SORCS3: variants seen among roughly 807,000 people sequenced by gnomAD.
The protein encoded by SORCS3 is sortilin related VPS10 domain containing receptor 3.
Under a neutral mutation model 146.3 loss-of-function variants are expected in SORCS3, and 57 were observed. That is an observed-to-expected ratio of 0.39 (90% CI 0.31 to 0.49). SORCS3 has a LOEUF of 0.49. Ranked by LOEUF, SORCS3 falls within the 20% of genes least tolerant of loss-of-function variation. SORCS3 has a pLI of 0.92. For missense variants in SORCS3, 1,341 were observed against 1,575.5 expected (o/e 0.85, Z 2.52); for synonymous variants, 653 against 618.5 (o/e 1.06, Z -0.83).
At chr10:104,726,756 T>G (rs540976556) in intron 1 of SORCS3, among the ~76,000 whole-genome samples, 1 of 152,226 alleles carries the variant, frequency 6.6e-6, no homozygotes, top group African/African-American at 2.4e-5. Flanking sequence ...GGTAAAAAAC[T>G]GCCCTATTCC....
intron 8 of SORCS3, among the ~76,000 whole-genome samples, chr10:105,142,468 G>T (rs2119454153): frequency 6.6e-6 from 1 of 152,256 alleles, no homozygotes; most frequent in South Asian, 2.1e-4. Context: ...TGGACAAAAT[G>T]CCTGCTAATT....
At chr10:105,112,884 T>G (rs373639834) in intron 7 of SORCS3, among the ~76,000 whole-genome samples, 1 of 152,178 alleles carries the variant, frequency 6.6e-6, no homozygotes, top group East Asian at 1.9e-4. Flanking sequence ...TACTTAAATT[T>G]CGAACTTTTA....
intron 7 of SORCS3, among the ~76,000 whole-genome samples, chr10:105,116,431 T>A (rs2055893901): frequency 1.3e-5 from 2 of 152,218 alleles, no homozygotes; most frequent in Admixed American, 1.3e-4. Context: ...GGATCAGTGC[T>A]GGTGGGAATG....
chr10:104,955,465 T>C (rs2019479283), intron 3 of SORCS3, among the ~76,000 whole-genome samples: 1 of 152,272 alleles, frequency 6.6e-6, no homozygotes, highest in South Asian at 2.1e-4. Context: ...ATTTTGTGAA[T>C]AGAGCTGCTA....
chr10:104,961,352 C>T (rs775315399), intron 3 of SORCS3, among the ~76,000 whole-genome samples: 13 of 152,236 alleles, frequency 8.5e-5, no homozygotes, highest in Middle Eastern at 3.4e-3. Flanking sequence ...TCCATCTGAT[C>T]GTAGAAATCC....
chr10:105,083,521 A>G (rs1381228803), intron 5 of SORCS3, among the ~76,000 whole-genome samples: 2 of 151,926 alleles, frequency 1.3e-5, no homozygotes, highest in Non-Finnish European at 2.9e-5. Flanking sequence ...CCTCCCTAAT[A>G]CCTGTGGCAA....
intron 18 of SORCS3, among the ~76,000 whole-genome samples, chr10:105,215,906 ATTC>A (rs1207646217): frequency 7.7e-6 from 1 of 129,808 alleles, no homozygotes; most frequent in Non-Finnish European, 1.5e-5. Flanking sequence ...GAGCAATGCT[ATTC>A]TTCATATAGG....
chr10:104,690,830 G>A (rs2864027), intron 1 of SORCS3, among the ~76,000 whole-genome samples: 1 of 48,626 alleles, frequency 2.1e-5, no homozygotes. Context: ...GACCCTGATA[G>A]CAATAACTCA....
intron 16 of SORCS3, 123 bp downstream of exon 16, chr10:105,201,376 G>A: frequency 8.4e-7 from 1 of 1,185,142 alleles, no homozygotes; most frequent in Middle Eastern, 2.8e-4. Flanking sequence ...GTATCTGCTG[G>A]CCTGTGGGCC....
intron 1 of SORCS3, among the ~76,000 whole-genome samples, chr10:104,816,961 G>A (rs1283688020): frequency 2.0e-5 from 3 of 152,162 alleles, no homozygotes; most frequent in East Asian, 1.9e-4. Flanking sequence ...TTCAGCCCGG[G>A]CACCCAAGAA....
intron 4 of SORCS3, among the ~76,000 whole-genome samples, chr10:105,033,268 C>A (rs1279338691): frequency 6.6e-6 from 1 of 152,140 alleles, no homozygotes; most frequent in Non-Finnish European, 1.5e-5. Context: ...ATTTGTTTTT[C>A]TTTCAACAGC....
chr10:104,945,566 C>CTTTTTTTTT (rs10707282), intron 3 of SORCS3, among the ~76,000 whole-genome samples: 1 of 135,100 alleles, frequency 7.4e-6, no homozygotes. Context: ...GCCTAATGTT[C>CTTTTTTTTT]TTTTTTTTTT....
At chr10:104,901,242 C>A (rs998884108) in intron 2 of SORCS3, among the ~76,000 whole-genome samples, 16 of 152,110 alleles carry the variant, frequency 1.1e-4, no homozygotes, top group Admixed American at 9.2e-4. Context: ...CCAAACAACC[C>A]AGGAAAAACT....
intron 1 of SORCS3, among the ~76,000 whole-genome samples, chr10:104,676,421 A>C (rs934363671): frequency 1.3e-5 from 2 of 152,192 alleles, no homozygotes; most frequent in Non-Finnish European, 2.9e-5. Flanking sequence ...AATTGTATGG[A>C]AAAAAGGAAA....
At chr10:104,668,033 C>T (rs1419481558) in intron 1 of SORCS3, among the ~76,000 whole-genome samples, 1 of 152,190 alleles carries the variant, frequency 6.6e-6, no homozygotes, top group Non-Finnish European at 1.5e-5. Context: ...CTTCGTGGCA[C>T]TCCTAGGATT....
At chr10:105,184,577 T>C (rs909726766) in intron 14 of SORCS3, among the ~76,000 whole-genome samples, 1 of 152,248 alleles carries the variant, frequency 6.6e-6, no homozygotes, top group Admixed American at 6.5e-5. Flanking sequence ...CCAATTGCAC[T>C]GCCTAATGAA....
rs554645555 is a variant in SORCS3, at chr10:104,642,132, T to C, written c.627+178T>C. On this transcript the variant is annotated intron_variant, in intron 1 of 26. Coordinates refer to ENST00000369701, the MANE Select transcript of SORCS3 (RefSeq NM_014978.3). ...GCCCCCAACAGGTTAACGGAGTTTGTTGTTAGACGCTGTGTGTGTTTGTTT... is the reference window on the plus strand; with the variant it reads ...GCCCCCAACAGGTTAACGGAGTTTGCTGTTAGACGCTGTGTGTGTTTGTTT... Among the ~76,000 whole-genome samples, 15 of 152,162 alleles carry C rather than the reference T, an allele frequency of 9.9e-5. No homozygotes were observed. The South Asian group carries it at 2.5e-3, about 25-fold the overall frequency.
intron 2 of SORCS3, among the ~76,000 whole-genome samples, chr10:104,899,127 T>A (rs893109551): frequency 6.6e-6 from 1 of 152,234 alleles, no homozygotes; most frequent in Non-Finnish European, 1.5e-5. Context: ...GGCCAAAGAA[T>A]GAAACAGCAG....
At chr10:105,246,183 A>C (rs1435748003) in intron 21 of SORCS3, among the ~76,000 whole-genome samples, 3 of 152,206 alleles carry the variant, frequency 2.0e-5, no homozygotes, top group African/African-American at 4.8e-5. Flanking sequence ...AAGAGGGTGA[A>C]TAGGACTACT....
Sources: gnomAD v4.1 joint callset for allele counts (sites outside exome capture counted in the v4.1 genomes callset) on GRCh38, gnomAD v4.1.1 for gene constraint, MANE v1.5 for transcripts, NCBI Gene and HGNC (gene_info 2026-07-23, HGNC 2026-07-21) for gene names.